MYL6: variants seen among roughly 807,000 people sequenced by gnomAD.
The protein encoded by MYL6 is myosin light chain 6.
Under a neutral mutation model 20.3 loss-of-function variants are expected in MYL6, and 20 were observed. The observed-to-expected ratio is 0.98, with a 90% confidence interval of 0.69 to 1.43. The LOEUF is 1.43. Ranked by LOEUF, MYL6 falls within the 40% of genes most tolerant of loss-of-function variation. The pLI, the probability that MYL6 is intolerant of heterozygous loss-of-function variation, is 0.00. For synonymous variants in MYL6, 77 were observed against 72.4 expected (o/e 1.06, Z -0.32); for missense variants, 164 against 191.0 (o/e 0.86, Z 0.83).
chr12:56,159,073 C>A, intron 2 of MYL6: 1 of 547,692 alleles, frequency 1.8e-6, no homozygotes, highest in Non-Finnish European at 2.8e-6. Flanking sequence ...TAACTGTCCC[C>A]GCCCTCCCAG....
At chr12:56,158,637 G>A (rs1223197707) in intron 1 of MYL6, 47 bp from the exon 2 acceptor site, 4 of 1,613,886 alleles carry the variant, frequency 2.5e-6, no homozygotes, top group Middle Eastern at 1.6e-4. Flanking sequence ...ATAGAAACTC[G>A]GGGGATTGGC....
chr12:56,158,887 C>T (rs1871512280), intron 2 of MYL6, 176 bp downstream of exon 2: 6 of 1,452,422 alleles, frequency 4.1e-6, no homozygotes, highest in South Asian at 2.9e-5. Context: ...CTTCCTCCCT[C>T]CCCTTCCACT....
rs1592261185 is a variant in MYL6 at position 56,160,073 on chromosome 12, G to T, written c.274G>T (p.Gly92Ter). ...GGGCACCTATGAGGATTATGTCGAAGGACTTCGGGTGTTTGACAAGGAAGG... is the reference window on the plus strand; with the variant it reads ...GGGCACCTATGAGGATTATGTCGAATGACTTCGGGTGTTTGACAAGGAAGG... ...DQGTYEDYVE[G>*]LRVFDKEGNG... is the part of the protein sequence containing the mutation. The change falls in exon 4 of 7, where the codon GGA becomes TGA. Residue 92 changes from glycine to a stop codon, truncating the protein, a stop_gained. Transcript: ENST00000550697. LOFTEE classifies it high-confidence loss of function. 6.2e-7 allele frequency: 1 copy of T among 1,614,228 alleles called. No individual in the cohort carries two copies. Among genetic ancestry groups the T allele is most frequent in the South Asian group, 1.1e-5 (1 of 91,086 alleles).
At chr12:56,160,723 T>C in intron 6 of MYL6, 53 bp downstream of exon 6, 2 of 1,583,314 alleles carry the variant, frequency 1.3e-6, no homozygotes, top group Non-Finnish European at 1.7e-6. Context: ...GTTTCTTTTT[T>C]CCCCAACCTG....
At chr12:56,161,193 A>C in intron 6 of MYL6, 194 bp from the exon 7 acceptor site, 1 of 649,760 alleles carries the variant, frequency 1.5e-6, no homozygotes, top group Non-Finnish European at 2.8e-6. Context: ...GGGGACTAAC[A>C]GCTGCTGGGA....
At position 56,161,011 on chromosome 12, in the gene MYL6, C is replaced by A; in HGVS notation, c.*16+341C>A. ...GGCATAGAGGGGTATGGGTTGCCTGCCCCATTCTGCTGCTATAGCTGAACA... is the reference window on the plus strand; with the variant it reads ...GGCATAGAGGGGTATGGGTTGCCTGACCCATTCTGCTGCTATAGCTGAACA... On this transcript the variant is annotated intron_variant, in intron 6 of 6. Coordinates refer to ENST00000550697, the MANE Select transcript of MYL6 (RefSeq NM_021019.5). 3 of 559,272 alleles carry A rather than the reference C, an allele frequency of 5.4e-6. No homozygotes were observed. In the East Asian group the frequency reaches 9.1e-5, roughly 17 times the overall value. 34.6% of individuals were successfully genotyped at this position (559,272 alleles called of 1,614,324 possible). A position where few individuals can be genotyped will look rare whatever the true frequency, so the allele number is the denominator to read the frequency against.
chr12:56,160,028 G>A lies in MYL6; in HGVS notation c.229G>A (p.Val77Met). 1 of 1,614,164 alleles carries A rather than the reference G, an allele frequency of 6.2e-7. No individual in the cohort carries two copies. Among genetic ancestry groups the A allele is most frequent in the Non-Finnish European group, 8.5e-7 (1 of 1,180,034 alleles). ...FEHFLPMLQT[V>M]AKNKDQGTYE... Reference sequence around the variant, plus strand: ...GCACTTTCTGCCCATGCTGCAGACAGTGGCCAAGAACAAGGACCAGGGCAC... The same window carrying A: ...GCACTTTCTGCCCATGCTGCAGACAATGGCCAAGAACAAGGACCAGGGCAC... Residue 77 changes from valine to methionine, a missense_variant, in exon 4 of 7, where the codon GTG (valine) becomes ATG (methionine). By Grantham distance (21) the Val-to-Met change is conservative (BLOSUM62 1). Transcript: ENST00000550697.
chr12:56,159,167 CTG>C (rs993011235), intron 2 of MYL6: 2 of 298,064 alleles, frequency 6.7e-6, no homozygotes, highest in Admixed American at 4.8e-5. Context: ...AAGGATATGA[CTG>C]TAGCTATACC....
At chr12:56,158,482 C>CA in intron 1 of MYL6, 78 bp downstream of exon 1, 4 of 1,570,442 alleles carry the variant, frequency 2.5e-6, no homozygotes, top group Non-Finnish European at 3.5e-6. Flanking sequence ...GAGGAGAAGG[C>CA]AGGGGTAGGA....
intron 2 of MYL6, 82 bp from the exon 3 acceptor site, chr12:56,159,505 A>G: frequency 6.5e-7 from 1 of 1,547,958 alleles, no homozygotes; most frequent in Non-Finnish European, 8.8e-7. Flanking sequence ...CAGCATGATC[A>G]AAGTTGAATG....
intron 2 of MYL6, 154 bp downstream of exon 2, chr12:56,158,865 T>A (rs2136912481): frequency 6.8e-7 from 1 of 1,473,466 alleles, no homozygotes; most frequent in Non-Finnish European, 8.9e-7. Context: ...CTCCATTTTC[T>A]TTTCTCACTT....
chr12:56,159,532 G>C, intron 2 of MYL6, 55 bp from the exon 3 acceptor site: 1 of 1,590,050 alleles, frequency 6.3e-7, no homozygotes, highest in African/African-American at 1.3e-5. Flanking sequence ...AGAGCTCTGA[G>C]GTAGGGTTTG....
At chr12:56,159,118 A>C (rs1163602044) in intron 2 of MYL6, 2 of 359,432 alleles carry the variant, frequency 5.6e-6, no homozygotes, top group Non-Finnish European at 9.9e-6. Flanking sequence ...CAGTGACCTG[A>C]TATTCTGTGC....
chr12:56,161,207 G>T, intron 6 of MYL6, 180 bp from the exon 7 acceptor site: 1 of 685,742 alleles, frequency 1.5e-6, no homozygotes, highest in Non-Finnish European at 2.6e-6. Flanking sequence ...GCTGGGAGGG[G>T]AGCTAGGGGC....
chr12:56,160,702 A>G (rs1871744512), intron 6 of MYL6, 32 bp downstream of exon 6: 4 of 1,609,574 alleles, frequency 2.5e-6, no homozygotes, highest in African/African-American at 2.7e-5. Context: ...CCTCTAGTTG[A>G]TCTCCCCAGT....
intron 6 of MYL6, 38 bp downstream of exon 6, chr12:56,160,708 C>G: frequency 6.2e-7 from 1 of 1,605,672 alleles, no homozygotes; most frequent in African/African-American, 1.3e-5. Flanking sequence ...GTTGATCTCC[C>G]CAGTGTTTCT....
At chr12:56,160,496 GA>G (rs771267560) in intron 5 of MYL6, 129 bp from the exon 6 acceptor site, 39 of 1,410,512 alleles carry the variant, frequency 2.8e-5, no homozygotes, top group Non-Finnish European at 3.8e-5. Flanking sequence ...AACAGGAAAG[GA>G]AGGGGGTAGT....
chr12:56,161,558 TAAAC>T lies in MYL6; in HGVS notation c.*189_*192del. The T allele has an allele frequency of 9.5e-7, 1 of 1,056,970 alleles. No homozygotes were observed. The highest frequency in any genetic ancestry group is 1.5e-6 in the Non-Finnish European group (1 of 685,036). 65.5% of individuals were successfully genotyped at this position (1,056,970 alleles called of 1,614,324 possible). A position where few individuals can be genotyped will look rare whatever the true frequency, so the allele number is the denominator to read the frequency against. Reference sequence around the variant, plus strand: ...ATGTTTGCCGTCAGCATTCACCAAATAAACTTGCTCTCTGGGCCCTCGGTTCGGT... The same window carrying T: ...ATGTTTGCCGTCAGCATTCACCAAATTTGCTCTCTGGGCCCTCGGTTCGGT... On this transcript the variant is annotated 3_prime_UTR_variant, in exon 7 of 7. Transcript: ENST00000550697.
At chr12:56,158,606 G>A in intron 1 of MYL6, 78 bp from the exon 2 acceptor site, 1 of 1,613,888 alleles carries the variant, frequency 6.2e-7, no homozygotes, top group Non-Finnish European at 8.5e-7. Flanking sequence ...GAGTTTGTGG[G>A]TCAGAGTTTG....
Sources: allele counts gnomAD v4.1 joint callset, GRCh38; gene constraint gnomAD v4.1.1; transcripts MANE v1.5; gene names NCBI Gene and HGNC (gene_info 2026-07-23, HGNC 2026-07-21).